Variants in VPS53 observed in about 807,000 individuals in gnomAD.
VPS53 encodes the protein vacuolar protein sorting-associated protein 53 homolog.
Under a neutral mutation model 107.0 loss-of-function variants are expected in VPS53, and 70 were observed. The ratio of observed to expected loss-of-function variants is 0.65; its 90% confidence interval spans 0.54 to 0.80. The LOEUF is 0.80. Ranked by LOEUF, VPS53 falls within the 30% of genes least tolerant of loss-of-function variation. The pLI is 0.00. For synonymous variants in VPS53, 409 were observed against 393.3 expected (o/e 1.04, Z -0.47); for missense variants, 917 against 1,049.4 (o/e 0.87, Z 1.74).
At chr17:706,887 G>A (rs1000614002) in intron 2 of VPS53, among the ~76,000 whole-genome samples, 1 of 152,266 alleles carries the variant, frequency 6.6e-6, no homozygotes, top group Admixed American at 6.5e-5. Context: ...TCTACTGCGT[G>A]AGTCTCCTGC....
chr17:586,095 C>T (rs181475748), intron 13 of VPS53, among the ~76,000 whole-genome samples, 175 bp downstream of exon 13: 1 of 152,206 alleles, frequency 6.6e-6, no homozygotes, highest in Non-Finnish European at 1.5e-5. Flanking sequence ...TTTATAGACA[C>T]AATTAATGAT....
At chr17:595,696 C>A (rs1967934418) in intron 12 of VPS53, among the ~76,000 whole-genome samples, 1 of 134,044 alleles carries the variant, frequency 7.5e-6, no homozygotes, top group South Asian at 2.6e-4. Context: ...CTGGAGGAAG[C>A]TGGGAGATGG....
At chr17:645,610 G>A (rs556212523) in intron 7 of VPS53, among the ~76,000 whole-genome samples, 1 of 152,142 alleles carries the variant, frequency 6.6e-6, no homozygotes, top group African/African-American at 2.4e-5. Context: ...TCTGGTCTTC[G>A]TTTTCTTCTA....
chr17:710,079 A>G (rs140155271), intron 2 of VPS53, among the ~76,000 whole-genome samples: 1 of 152,308 alleles, frequency 6.6e-6, no homozygotes, highest in African/African-American at 2.4e-5. Context: ...CAGGAGGCAG[A>G]CGTTGCAGTG....
At chr17:666,790 G>A (rs557933517) in intron 4 of VPS53, among the ~76,000 whole-genome samples, 1 of 152,218 alleles carries the variant, frequency 6.6e-6, no homozygotes, top group African/African-American at 2.4e-5. Context: ...ATGGTGGTGT[G>A]CACCTGTAAT....
At chr17:662,873 CGAAGGAAGGA>C (rs1971527248) in intron 4 of VPS53, among the ~76,000 whole-genome samples, 1 of 98,114 alleles carries the variant, frequency 1.0e-5, no homozygotes, top group African/African-American at 4.1e-5. Flanking sequence ...AAGGAAGGAA[CGAAGGAAGGA>C]AGGAAGGAAG....
At chr17:623,438 G>A (rs1425788278) in intron 11 of VPS53, 95 bp downstream of exon 11, 4 of 1,444,196 alleles carry the variant, frequency 2.8e-6, no homozygotes, top group Admixed American at 2.2e-5. Context: ...GTTAAGCACC[G>A]AAGCCAATGG....
At chr17:682,267 T>C (rs530370100) in intron 4 of VPS53, among the ~76,000 whole-genome samples, 44 of 152,320 alleles carry the variant, frequency 2.9e-4, no homozygotes, top group Non-Finnish European at 6.0e-4. Flanking sequence ...CCATACTATA[T>C]GCTGCATGAA....
In VPS53 at chr17:546,967, C is replaced by T. The variant is rs189135663; in HGVS notation, c.1866+4905G>A. ...TTGGCTCACTGCAATCTCCACCTCCCAGGTTCAAGCCATTCTCCTGTCTCA... is the reference window on the plus strand; with the variant it reads ...TTGGCTCACTGCAATCTCCACCTCCTAGGTTCAAGCCATTCTCCTGTCTCA... On this transcript the variant is annotated intron_variant, in intron 17 of 21. Transcript: ENST00000437048. Among the ~76,000 whole-genome samples, 20 of 150,116 alleles carry T rather than the reference C, an allele frequency of 1.3e-4. No individual in the cohort carries two copies. The East Asian group carries it at 4.0e-3, about 30-fold the overall frequency.
At chr17:530,231 T>A (rs934870893) in intron 19 of VPS53, among the ~76,000 whole-genome samples, 22 of 148,484 alleles carry the variant, frequency 1.5e-4, no homozygotes, top group Non-Finnish European at 2.8e-4. Flanking sequence ...ACCTCCCAGG[T>A]TCAAGCAGTT....
intron 11 of VPS53, among the ~76,000 whole-genome samples, chr17:607,737 T>A (rs1968651897): frequency 6.6e-6 from 1 of 152,242 alleles, no homozygotes; most frequent in South Asian, 2.1e-4. Context: ...ATGATGACAG[T>A]TGATTTCAAG....
At chr17:649,676 T>G (rs1285888460) in intron 7 of VPS53, among the ~76,000 whole-genome samples, 1 of 147,984 alleles carries the variant, frequency 6.8e-6, no homozygotes, top group Non-Finnish European at 1.5e-5. Context: ...GCACTGAAGA[T>G]CTTACACTGG....
chr17:624,707 C>T (rs1018172594), intron 10 of VPS53, among the ~76,000 whole-genome samples: 1 of 152,178 alleles, frequency 6.6e-6, no homozygotes, highest in South Asian at 2.1e-4. Context: ...TCCAGCCTCT[C>T]CCAGGCTCCA....
At chr17:684,676 CT>C (rs938220846) in intron 4 of VPS53, among the ~76,000 whole-genome samples, 2 of 152,122 alleles carry the variant, frequency 1.3e-5, no homozygotes, top group Admixed American at 6.6e-5. Context: ...CAGAGATTTC[CT>C]TTTTTTCTTT....
intron 13 of VPS53, 62 bp from the exon 14 acceptor site, chr17:562,807 C>A: frequency 6.4e-7 from 1 of 1,560,462 alleles, no homozygotes; most frequent in Non-Finnish European, 8.7e-7. Context: ...AGCAAATGTG[C>A]TCGTTTGCAA....
At position 562,486 on chromosome 17, in the gene VPS53, T is replaced by C. The variant is rs1913107869; in HGVS notation, c.1556+17A>G. 3.1e-6 allele frequency: 5 copies of C among 1,613,514 alleles called. No homozygotes were observed. The highest frequency in any genetic ancestry group is 2.7e-5 in the African/African-American group (2 of 74,878). ...GGTCTATTTGCCACCACTCAGACTA[T>C]GAAGAACAGGACTCACTTGGGCAGG... On this transcript the variant is annotated intron_variant, in intron 14 of 21. Transcript: ENST00000437048.
Position 515,953 on chromosome 17 carries a change from CTGCT to C in VPS53, c.*3171_*3174del, listed in dbSNP as rs1282978451. The C allele has an allele frequency of 1.3e-4, 15 of 116,558 alleles. No homozygotes were observed. Among genetic ancestry groups the C allele is most frequent in the African/African-American group, 1.9e-4 (4 of 21,464 alleles). 7.2% of individuals were successfully genotyped at this position (116,558 alleles called of 1,614,324 possible). Reference sequence around the variant, plus strand: ...GGGATTACAGGCACCCGCCACCTGCCTGCTTTTTTTTTTTTTTTTTTTGTATTTT... The same window carrying C: ...GGGATTACAGGCACCCGCCACCTGCCTTTTTTTTTTTTTTTTTTGTATTTT... On this transcript the variant is annotated 3_prime_UTR_variant, in exon 22 of 22. Coordinates refer to ENST00000437048, the MANE Select transcript of VPS53 (RefSeq NM_001128159.3).
chr17:562,373 G>T (rs1460030578), intron 14 of VPS53, 130 bp downstream of exon 14: 1 of 1,293,868 alleles, frequency 7.7e-7, no homozygotes, highest in Non-Finnish European at 1.1e-6. Context: ...AGGCCCTCGG[G>T]AACTCAGGAA....
intron 5 of VPS53, chr17:657,098 T>C: frequency 9.3e-7 from 1 of 1,078,990 alleles, no homozygotes; most frequent in Non-Finnish European, 1.4e-6. Flanking sequence ...AGTCTCCAAA[T>C]CAATCTGAAT....
Sources: allele counts gnomAD v4.1 joint callset (sites outside exome capture counted in the v4.1 genomes callset), GRCh38; gene constraint gnomAD v4.1.1; transcripts MANE v1.5; gene names NCBI Gene and HGNC (gene_info 2026-07-23, HGNC 2026-07-21).